GRHL3: variants seen among roughly 807,000 people sequenced by gnomAD.
The protein encoded by GRHL3 is grainyhead like transcription factor 3, also known as grainyhead-like protein 3 homolog.
In GRHL3, 20 loss-of-function variants were observed where a neutral mutation model predicts 70.3. That is an observed-to-expected ratio of 0.28 (90% confidence interval 0.20 to 0.41). The LOEUF (loss-of-function observed/expected upper bound fraction) is 0.41, where lower values mean the gene tolerates loss of function less well. Among genes scored for constraint, GRHL3 ranks in the 10% least tolerant of loss-of-function variants. GRHL3 has a pLI of 1.00. For missense variants in GRHL3, 637 were observed against 762.3 expected, an observed-to-expected ratio of 0.84 and a Z score of 1.94; for synonymous variants, 299 against 299.9, an observed-to-expected ratio of 1.00 and a Z score of 0.03.
intron 2 of GRHL3, among the ~76,000 whole-genome samples, chr1:24,333,512 A>G (rs1354502229): frequency 6.6e-6 from 1 of 152,210 alleles, no homozygotes; most frequent in Non-Finnish European, 1.5e-5. Context: ...TAACAATATT[A>G]TAATTATACT....
chr1:24,364,185 G>C, exon 16 of GRHL3: 1 of 1,490,324 alleles, frequency 6.7e-7, no homozygotes, highest in Non-Finnish European at 8.9e-7. Context: ...TTTCTTCCAG[G>C]GAAACTTCTC....
intron 3 of GRHL3, among the ~76,000 whole-genome samples, chr1:24,336,017 G>A (rs1056353010): frequency 7.9e-5 from 12 of 151,832 alleles, no homozygotes; most frequent in African/African-American, 2.7e-4. Flanking sequence ...CCCCTCTCCC[G>A]CTTAACAGTT....
At chr1:24,347,130 G>A (rs942517118) in intron 13 of GRHL3, among the ~76,000 whole-genome samples, 3 of 152,182 alleles carry the variant, frequency 2.0e-5, no homozygotes, top group South Asian at 2.1e-4. Context: ...GTGGCACCTC[G>A]TGTTTCCAGA....
chr1:24,354,395 C>T lies in GRHL3; in HGVS notation c.1716C>T (p.Asn572=), dbSNP rs1640633316. 1 of 1,613,356 alleles carries T rather than the reference C, an allele frequency of 6.2e-7. No homozygotes were observed. Among genetic ancestry groups the T allele is most frequent in the African/African-American group, 1.3e-5 (1 of 74,928 alleles). The change falls in exon 16 of 16, where the codon AAC becomes AAT. Residue 572 remains asparagine (N), a synonymous_variant. Transcript: ENST00000361548. The part of the protein sequence containing the change: ...CKRGILVNMD[N]NIIQHYSNHV... Reference sequence around the variant, plus strand: ...CCAGAATCTTAGTCAACATGGACAACAACATCATTCAGCATTACAGCAACC... The same window carrying T: ...CCAGAATCTTAGTCAACATGGACAATAACATCATTCAGCATTACAGCAACC...
chr1:24,339,524 C>CT, intron 7 of GRHL3, 144 bp from the exon 8 acceptor site: 1 of 550,792 alleles, frequency 1.8e-6, no homozygotes. Flanking sequence ...TGTGATCCCC[C>CT]TGCCTCGGCC....
chr1:24,359,441 T>C (rs1048819402), downstream of GRHL3, among the ~76,000 whole-genome samples: 1 of 152,112 alleles, frequency 6.6e-6, no homozygotes, highest in African/African-American at 2.4e-5. The surrounding 1 kb of genome is among the most constrained non-coding windows in gnomAD (Gnocchi z 5.3). Context: ...AATGCTGAGT[T>C]CTCCTCGACT....
intron 1 of GRHL3, among the ~76,000 whole-genome samples, chr1:24,331,001 G>C (rs755909239): frequency 6.6e-6 from 1 of 152,246 alleles, no homozygotes; most frequent in Non-Finnish European, 1.5e-5. Context: ...GCCTTTCACA[G>C]TCTTGAGGAC....
chr1:24,359,850 G>A (rs1052989370), downstream of GRHL3, among the ~76,000 whole-genome samples: 2 of 152,234 alleles, frequency 1.3e-5, no homozygotes, highest in African/African-American at 2.4e-5. The surrounding 1 kb of genome is among the most constrained non-coding windows in gnomAD (Gnocchi z 5.3). Flanking sequence ...AGGAAGCACA[G>A]AGGCCGCCCA....
At chr1:24,324,490 A>ATT (rs1639317356) in intron 1 of GRHL3, among the ~76,000 whole-genome samples, 1 of 152,204 alleles carries the variant, frequency 6.6e-6, no homozygotes, top group African/African-American at 2.4e-5. Context: ...AATAATAATA[A>ATT]AAGTAGTTCA....
At chr1:24,346,776 T>C in intron 13 of GRHL3, 135 bp downstream of exon 13, 1 of 660,496 alleles carries the variant, frequency 1.5e-6, no homozygotes, top group Admixed American at 2.5e-5. Flanking sequence ...AGGTTAAGAC[T>C]TGGGGGTGGG....
chr1:24,345,660 G>A (rs1028114231), intron 12 of GRHL3, among the ~76,000 whole-genome samples: 1 of 152,164 alleles, frequency 6.6e-6, no homozygotes, highest in Non-Finnish European at 1.5e-5. Flanking sequence ...CCCCCACTGG[G>A]GGGCCTAGCT....
chr1:24,320,582 A>G lies in GRHL3; in HGVS notation c.17+1014A>G, dbSNP rs560357528. Among the ~76,000 whole-genome samples, 19 of 152,314 alleles carry G rather than the reference A, an allele frequency of 1.2e-4. 1 individual carries two copies. The East Asian group carries it at 3.1e-3, about 25-fold the overall frequency. Reference sequence around the variant, plus strand: ...AGTGGGCAGAGGCAAGGATTGTACCATCTTTTTTCTAACTGCTCCTCAACA... The same window carrying G: ...AGTGGGCAGAGGCAAGGATTGTACCGTCTTTTTTCTAACTGCTCCTCAACA... On this transcript the variant is annotated intron_variant, in intron 1 of 15. Coordinates refer to ENST00000361548, the MANE Select transcript of GRHL3 (RefSeq NM_198173.3).
intron 3 of GRHL3, among the ~76,000 whole-genome samples, chr1:24,335,209 A>AGAGGGAGACCTGTGTTGGGG (rs983219947): frequency 1.3e-5 from 2 of 152,116 alleles, no homozygotes; most frequent in African/African-American, 2.4e-5. Context: ...AGCCTCTGGG[A>AGAGGGAGACCTGTGTTGGGG]GAGGGAGACC....
At chr1:24,338,471 G>A (rs768751662) in intron 7 of GRHL3, among the ~76,000 whole-genome samples, 4 of 152,228 alleles carry the variant, frequency 2.6e-5, no homozygotes, top group Admixed American at 2.0e-4. Flanking sequence ...GGAGCTGGGC[G>A]GGGGAAAGGC....
chr1:24,324,980 G>A (rs1381418801), intron 1 of GRHL3, among the ~76,000 whole-genome samples: 2 of 152,204 alleles, frequency 1.3e-5, no homozygotes, highest in South Asian at 2.1e-4. Flanking sequence ...TGGCAGGCAC[G>A]AGAACCCTGG....
chr1:24,359,022 T>C (rs1482221069), downstream of GRHL3, among the ~76,000 whole-genome samples: 1 of 152,148 alleles, frequency 6.6e-6, no homozygotes, highest in Non-Finnish European at 1.5e-5. The surrounding 1 kb of genome is among the most constrained non-coding windows in gnomAD (Gnocchi z 5.3). Flanking sequence ...CTATAGGAGA[T>C]GAGCAGGGCT....
chr1:24,319,861 C>A (rs2148640875), intron 1 of GRHL3: 2 of 709,074 alleles, frequency 2.8e-6, no homozygotes, highest in Non-Finnish European at 4.2e-6. Flanking sequence ...ACTTTTTGAT[C>A]CTCTGAAGGG....
intron 3 of GRHL3, 79 bp from the exon 4 acceptor site, chr1:24,336,403 C>G: frequency 1.1e-6 from 1 of 874,070 alleles, no homozygotes; most frequent in Non-Finnish European, 1.8e-6. Flanking sequence ...GCCAGTGTGT[C>G]AGTTGCCTTG....
rs183886027 is a variant in GRHL3, at chr1:24,341,547, G to A, written c.1048-568G>A. ...TGTTTCCCCGGCTGTAAGATGGGGT[G>A]ACTAGGATGCTCCCTTGCTGTATGT... On this transcript the variant is annotated intron_variant, in intron 8 of 15. Coordinates refer to ENST00000361548, the MANE Select transcript of GRHL3 (RefSeq NM_198173.3). Among the ~76,000 whole-genome samples the A allele has an allele frequency of 2.8e-3, 432 of 152,300 alleles. 10 individuals carry two copies. In the South Asian group the frequency reaches 0.035, roughly 12 times the overall value.
Sources: gnomAD v4.1 joint callset for allele counts (sites outside exome capture counted in the v4.1 genomes callset) on GRCh38, gnomAD v4.1.1 for gene constraint, Gnocchi (gnomAD v3.1) non-coding constraint, MANE v1.5 for transcripts, NCBI Gene and HGNC (gene_info 2026-07-23, HGNC 2026-07-21) for gene names.